The following ATRNL1 variants were observed in gnomAD, a reference collection of about 807,000 sequenced individuals.
ATRNL1 encodes the protein attractin like 1.
In ATRNL1, 95 loss-of-function variants were observed where a neutral mutation model predicts 182.7. The ratio of observed to expected loss-of-function variants is 0.52; its 90% CI spans 0.44 to 0.62. The LOEUF is 0.62. Among genes scored for constraint, ATRNL1 ranks in the 20% least tolerant of loss-of-function variants. The pLI is 0.00. For synonymous variants in ATRNL1, 576 were observed against 568.3 expected (o/e 1.01, Z -0.19); for missense variants, 1,471 against 1,679.5 (o/e 0.88, Z 2.17).
At chr10:115,229,121 A>T (rs995936405) in intron 9 of ATRNL1, among the ~76,000 whole-genome samples, 1 of 152,078 alleles carries the variant, frequency 6.6e-6, no homozygotes, top group Non-Finnish European at 1.5e-5. Flanking sequence ...ATCTAATGGT[A>T]ATGCTTCTGT....
chr10:115,794,954 AT>A (rs1381384976), intron 27 of ATRNL1, among the ~76,000 whole-genome samples: 1 of 152,100 alleles, frequency 6.6e-6, no homozygotes, highest in African/African-American at 2.4e-5. Context: ...TGATGCTCAA[AT>A]TGTCCCAGAT....
intron 26 of ATRNL1, among the ~76,000 whole-genome samples, chr10:115,602,387 C>G (rs572358644): frequency 1.3e-5 from 2 of 152,094 alleles, no homozygotes; most frequent in African/African-American, 4.8e-5. Context: ...AAAACTGTTT[C>G]TTTACTCACA....
In ATRNL1 at chr10:115,165,654, C is replaced by A. The variant is rs1554884197; in HGVS notation, c.1092+9C>A. The A allele has an allele frequency of 2.1e-6, 3 of 1,457,214 alleles. No individual in the cohort carries two copies. The highest frequency in any genetic ancestry group is 3.0e-5 in the South Asian group (2 of 65,870). The allele number at this position is 1,457,214 out of a possible 1,614,324, so 90.3% of individuals were successfully genotyped here. ...CTCTTGCTTTATATCAGGTATGGCT[C>A]CTGCTTTTTAAATTTTAATCAGATT... On this transcript the variant is annotated intron_variant, in intron 7 of 28. Coordinates refer to ENST00000355044, the MANE Select transcript of ATRNL1 (RefSeq NM_207303.4).
intron 26 of ATRNL1, among the ~76,000 whole-genome samples, chr10:115,592,148 G>A (rs782331178): frequency 2.6e-5 from 4 of 152,112 alleles, no homozygotes; most frequent in Non-Finnish European, 5.9e-5. Context: ...AGATGGCAAC[G>A]GTAGGTACTG....
chr10:115,177,593 G>T (rs1199294979), intron 8 of ATRNL1, among the ~76,000 whole-genome samples: 3 of 152,138 alleles, frequency 2.0e-5, no homozygotes, highest in African/African-American at 7.2e-5. Context: ...CCTGTCAGTT[G>T]TCAGTTGATG....
chr10:115,274,276 G>A (rs566397603), intron 13 of ATRNL1, among the ~76,000 whole-genome samples: 66 of 152,222 alleles, frequency 4.3e-4, no homozygotes, highest in Non-Finnish European at 8.7e-4. Flanking sequence ...CTTGGAATTC[G>A]CAGCTTTTTA....
chr10:115,731,222 C>T (rs782690786), intron 27 of ATRNL1, among the ~76,000 whole-genome samples: 1 of 152,156 alleles, frequency 6.6e-6, no homozygotes, highest in Non-Finnish European at 1.5e-5. Context: ...TAGGCTGGCA[C>T]TTGACTGGTT....
chr10:115,137,905 C>T (rs781861973), intron 5 of ATRNL1, among the ~76,000 whole-genome samples: 1 of 152,188 alleles, frequency 6.6e-6, no homozygotes, highest in Non-Finnish European at 1.5e-5. Flanking sequence ...AAGGCAAGTC[C>T]CTTCTGCCTG....
At chr10:115,871,469 T>TTATATATATATATATATATATATATATA (rs1162576615) in intron 28 of ATRNL1, among the ~76,000 whole-genome samples, 5 of 140,316 alleles carry the variant, frequency 3.6e-5, no homozygotes, top group African/African-American at 7.9e-5. Context: ...GTCAGATTCT[T>TTATATATATATATATATATATATATATA]TGTGTGTGTG....
At chr10:115,307,027 T>G (rs2133991788) in intron 17 of ATRNL1, among the ~76,000 whole-genome samples, 2 of 152,322 alleles carry the variant, frequency 1.3e-5, no homozygotes, top group South Asian at 4.1e-4. Context: ...TGCCATTGTC[T>G]CTCTTGTTTT....
intron 27 of ATRNL1, among the ~76,000 whole-genome samples, chr10:115,745,825 C>T (rs554306031): frequency 5.9e-5 from 9 of 152,124 alleles, no homozygotes; most frequent in African/African-American, 1.4e-4. Flanking sequence ...TATCTTCAAA[C>T]GTTAGTTTTC....
rs545935880 is a variant in ATRNL1, at chr10:115,666,871, CTTAAATCCACTTT to C, written c.3796-60375_3796-60363del. On this transcript the variant is annotated intron_variant, in intron 26 of 28. Transcript: ENST00000355044. ...GTAGAACTTTTAATTATTTGCAATA[CTTAAATCCACTTT>C]TAAAGGGTAAAAGAATTTGCCAACA... Among the ~76,000 whole-genome samples, 354 of 152,160 alleles carry C rather than the reference CTTAAATCCACTTT, an allele frequency of 2.3e-3. 6 individuals carry two copies. The highest frequency in any genetic ancestry group is 8.2e-3 in the African/African-American group (339 of 41,522).
intron 8 of ATRNL1, among the ~76,000 whole-genome samples, chr10:115,211,679 G>C (rs1225148633): frequency 6.6e-6 from 1 of 151,358 alleles, no homozygotes; most frequent in Non-Finnish European, 1.5e-5. Context: ...TGTTACATAT[G>C]TATACATGTG....
chr10:115,782,935 T>C (rs1949302441), intron 27 of ATRNL1, among the ~76,000 whole-genome samples: 1 of 152,216 alleles, frequency 6.6e-6, no homozygotes. Context: ...TGATCAAATA[T>C]ATTTGTTAGG....
At chr10:115,668,723 A>C (rs1286281088) in intron 26 of ATRNL1, among the ~76,000 whole-genome samples, 2 of 152,164 alleles carry the variant, frequency 1.3e-5, no homozygotes, top group East Asian at 3.9e-4. Context: ...TGTCTTAAAC[A>C]GGTCACCAAG....
chr10:115,180,194 T>A lies in ATRNL1; in HGVS notation c.1348+8902T>A, dbSNP rs1847696661. Among the ~76,000 whole-genome samples the A allele has an allele frequency of 2.0e-5, 3 of 152,162 alleles. No individual in the cohort carries two copies. In the South Asian group the frequency reaches 6.2e-4, roughly 32 times the overall value. On this transcript the variant is annotated intron_variant, in intron 8 of 28. Coordinates refer to ENST00000355044, the MANE Select transcript of ATRNL1 (RefSeq NM_207303.4). ...GTTAATTTAAAAAAATTGTTGATTT[T>A]TTTCAACTTCTCCATTATTCTGAAA...
At chr10:115,567,895 C>T (rs1180695653) in intron 26 of ATRNL1, among the ~76,000 whole-genome samples, 1 of 151,982 alleles carries the variant, frequency 6.6e-6, no homozygotes, top group Non-Finnish European at 1.5e-5. Context: ...TTTGTTTAAC[C>T]TTTATAAAAC....
intron 21 of ATRNL1, among the ~76,000 whole-genome samples, chr10:115,433,301 C>T (rs571691002): frequency 1.3e-5 from 2 of 151,980 alleles, no homozygotes; most frequent in Non-Finnish European, 2.9e-5. Context: ...TGAATTGACC[C>T]TTATATTTAA....
intron 8 of ATRNL1, among the ~76,000 whole-genome samples, chr10:115,207,141 A>G (rs1848829604): frequency 1.3e-5 from 2 of 152,188 alleles, no homozygotes; most frequent in African/African-American, 2.4e-5. Flanking sequence ...TAGTGCCACA[A>G]TAAACATACA....
Sources: allele counts gnomAD v4.1 joint callset (sites outside exome capture counted in the v4.1 genomes callset), GRCh38; gene constraint gnomAD v4.1.1; transcripts MANE v1.5; gene names NCBI Gene and HGNC (gene_info 2026-07-23, HGNC 2026-07-21).